The following GNG7 variants were observed in gnomAD, a reference collection of about 807,000 sequenced individuals.
GNG7 encodes guanine nucleotide-binding protein G(I)/G(S)/G(O) subunit gamma-7.
GNG7 carries 1 observed loss-of-function variant against 4.0 expected under a neutral mutation model. The ratio of observed to expected loss-of-function variants is 0.25; its 90% confidence interval spans 0.09 to 1.18. The LOEUF (loss-of-function observed/expected upper bound fraction) is 1.18, where lower values mean the gene tolerates loss of function less well. Among genes scored for constraint, GNG7 ranks in the 50% most tolerant of loss-of-function variants. The probability of loss-of-function intolerance (pLI) is 0.50; values close to 1 mark genes in which losing one functional copy is unlikely to be tolerated. For synonymous variants in GNG7, 34 were observed against 36.9 expected, an observed-to-expected ratio of 0.92 and a Z score of 0.29; for missense variants, 86 against 91.9, an observed-to-expected ratio of 0.94 and a Z score of 0.26.
intron 2 of GNG7, among the ~76,000 whole-genome samples, chr19:2,592,929 GGGAA>G (rs533301759): frequency 1.7e-3 from 254 of 146,308 alleles, no homozygotes; most frequent in African/African-American, 2.7e-3. Flanking sequence ...AGGAGAGGGA[GGGAA>G]GGAAGGAAGG....
intron 3 of GNG7, among the ~76,000 whole-genome samples, chr19:2,539,387 C>A (rs186607175): frequency 2.6e-5 from 4 of 151,024 alleles, no homozygotes; most frequent in African/African-American, 9.7e-5. Context: ...CTCACTGCAA[C>A]CTTTGCTTCC....
chr19:2,650,757 C>G (rs1385713414), intron 1 of GNG7, among the ~76,000 whole-genome samples: 1 of 152,216 alleles, frequency 6.6e-6, no homozygotes, highest in Non-Finnish European at 1.5e-5. Context: ...CGACCTTCAG[C>G]GGCTCACTCA....
In GNG7 at chr19:2,634,071, CTGAG is replaced by C. The variant is rs977896462; in HGVS notation, c.-78+12149_-78+12152del. Among the ~76,000 whole-genome samples the C allele has an allele frequency of 2.6e-5, 4 of 152,176 alleles. No homozygotes were observed. The highest frequency in any genetic ancestry group is 5.9e-5 in the Non-Finnish European group (4 of 68,032). On this transcript the variant is annotated intron_variant, in intron 2 of 4. Coordinates refer to ENST00000382159, the MANE Select transcript of GNG7 (RefSeq NM_052847.3). This position sits in a 1 kb window ranked among gnomAD's most constrained non-coding sequence, Gnocchi z 5.3. ...GGCTGCACACATTGAAATCCACACC[CTGAG>C]TGAGGAGGGAGAGAGGAGGTGAGTC...
chr19:2,588,085 C>A (rs971559096), intron 2 of GNG7, among the ~76,000 whole-genome samples: 1 of 152,102 alleles, frequency 6.6e-6, no homozygotes, highest in Non-Finnish European at 1.5e-5. Flanking sequence ...AGAAGAAAAA[C>A]CATCTCTCTA....
intron 2 of GNG7, among the ~76,000 whole-genome samples, chr19:2,580,179 A>G (rs893094924): frequency 6.6e-6 from 1 of 152,092 alleles, no homozygotes; most frequent in Non-Finnish European, 1.5e-5. Flanking sequence ...TACCAGTCCC[A>G]GTCCTGGCCC....
chr19:2,512,504 C>T lies in GNG7; in HGVS notation c.*2518G>A, dbSNP rs1972670239. 3.0e-6 allele frequency: 1 copy of T among 334,064 alleles called. No individual in the cohort carries two copies. The highest frequency in any genetic ancestry group is 4.3e-6 in the Non-Finnish European group (1 of 234,492). 20.7% of individuals were successfully genotyped at this position (334,064 alleles called of 1,614,324 possible). ...GGCCCTGTGGACAGTGAAGGAGAGG[C>T]CAGCCTGTCCTTCCCCTCCCCGAGC... On this transcript the variant is annotated 3_prime_UTR_variant, in exon 5 of 5. Transcript: ENST00000382159. This position sits in a 1 kb window ranked among gnomAD's most constrained non-coding sequence, Gnocchi z 4.7.
intron 1 of GNG7, among the ~76,000 whole-genome samples, chr19:2,667,438 C>A (rs1271976980): frequency 6.6e-6 from 1 of 152,172 alleles, no homozygotes; most frequent in African/African-American, 2.4e-5. Flanking sequence ...GAATACCTCA[C>A]CTCTATGTGC....
At chr19:2,655,100 G>A (rs1336948364) in intron 1 of GNG7, among the ~76,000 whole-genome samples, 1 of 151,706 alleles carries the variant, frequency 6.6e-6, no homozygotes, top group Non-Finnish European at 1.5e-5. Flanking sequence ...TGAGATGGGA[G>A]GATTGCTGAG....
chr19:2,684,566 G>C (rs796160974), intron 1 of GNG7, among the ~76,000 whole-genome samples: 21 of 152,322 alleles, frequency 1.4e-4, no homozygotes, highest in African/African-American at 5.1e-4. Context: ...AGGCAATCCT[G>C]ACACAGGCCA....
chr19:2,540,752 C>T (rs998158364), intron 3 of GNG7, among the ~76,000 whole-genome samples: 8 of 152,194 alleles, frequency 5.3e-5, no homozygotes, highest in South Asian at 2.1e-4. Flanking sequence ...GGAGACCTGC[C>T]GGAGCAAACC....
intron 1 of GNG7, among the ~76,000 whole-genome samples, chr19:2,650,227 A>C (rs1489294290): frequency 3.9e-5 from 5 of 126,774 alleles, no homozygotes; most frequent in East Asian, 2.1e-4. Flanking sequence ...TCTATCCCCC[A>C]GGCTGGAGTG....
rs138789416 is a variant in GNG7, at chr19:2,572,916, C to T, written c.-77-17728G>A. Among the ~76,000 whole-genome samples the T allele has an allele frequency of 3.0e-3, 450 of 151,864 alleles. 12 individuals are homozygous for T. The East Asian group carries it at 0.059, about 20-fold the overall frequency. ...TGGCTGAATTCCAGAACTGTTTCAT[C>T]GCCTTAAATGGAAACCCCGTCCGCA... On this transcript the variant is annotated intron_variant, in intron 2 of 4. Coordinates refer to ENST00000382159, the MANE Select transcript of GNG7 (RefSeq NM_052847.3).
chr19:2,542,114 T>TTTC (rs1349464499), intron 3 of GNG7, among the ~76,000 whole-genome samples: 7 of 125,036 alleles, frequency 5.6e-5, no homozygotes, highest in African/African-American at 2.0e-4. Context: ...GTTCTTTTTT[T>TTTC]TTTTTTTTTT....
intron 3 of GNG7, among the ~76,000 whole-genome samples, chr19:2,537,712 G>C (rs966488759): frequency 6.6e-6 from 1 of 151,810 alleles, no homozygotes; most frequent in African/African-American, 2.4e-5. Flanking sequence ...AACTGGCCCT[G>C]GAGTGGGGGT....
intron 1 of GNG7, among the ~76,000 whole-genome samples, chr19:2,683,170 C>T (rs979953676): frequency 6.6e-6 from 1 of 151,892 alleles, no homozygotes; most frequent in East Asian, 1.9e-4. Flanking sequence ...ACCCGGGAGG[C>T]AGAGGTTGCA....
chr19:2,633,485 GCGCACACACACACACA>G lies in GNG7; in HGVS notation c.-78+12723_-78+12738del, dbSNP rs1198954647. Among the ~76,000 whole-genome samples the G allele has an allele frequency of 1.6e-4, 21 of 131,984 alleles. No individual in the cohort carries two copies. The highest frequency in any genetic ancestry group is 3.9e-4 in the African/African-American group (13 of 33,598). The allele number at this position is 131,984 out of a possible 152,430, so 86.6% of individuals were successfully genotyped here. ...CTTAGCAACAGGCGCGCGCGCGCGCGCGCACACACACACACACACACACACACACACACACACACGA... is the reference window on the plus strand; with the variant it reads ...CTTAGCAACAGGCGCGCGCGCGCGCGCACACACACACACACACACACACGA... On this transcript the variant is annotated intron_variant, in intron 2 of 4. Transcript: ENST00000382159. This position sits in a 1 kb window ranked among gnomAD's most constrained non-coding sequence, Gnocchi z 5.9.
In GNG7 at chr19:2,687,324, T is replaced by C. The variant is rs548922226; in HGVS notation, c.-135+15322A>G. On this transcript the variant is annotated intron_variant, in intron 1 of 4. Transcript: ENST00000382159. ...ATCCTCTCATCTTGGCCTCCCAAAGTGCTGGGGTTAGGCTGGGCATGGTGG... is the reference window on the plus strand; with the variant it reads ...ATCCTCTCATCTTGGCCTCCCAAAGCGCTGGGGTTAGGCTGGGCATGGTGG... Among the ~76,000 whole-genome samples, 3 of 151,504 alleles carry C rather than the reference T, an allele frequency of 2.0e-5. No homozygotes were observed. The East Asian group carries it at 6.0e-4, about 30-fold the overall frequency.
At chr19:2,643,629 C>T (rs952044782) in intron 2 of GNG7, 28 of 455,556 alleles carry the variant, frequency 6.1e-5, no homozygotes, top group African/African-American at 5.0e-4. Context: ...AGTCCGAGAC[C>T]TCTCCGGGCT....
intron 1 of GNG7, among the ~76,000 whole-genome samples, chr19:2,678,629 G>A (rs1983653372): frequency 6.6e-6 from 1 of 152,118 alleles, no homozygotes; most frequent in East Asian, 1.9e-4. Context: ...ACAACACAGG[G>A]AGAAGAATCA....
Sources: gnomAD v4.1 joint callset for allele counts (sites outside exome capture counted in the v4.1 genomes callset) on GRCh38, gnomAD v4.1.1 for gene constraint, Gnocchi (gnomAD v3.1) non-coding constraint, MANE v1.5 for transcripts, NCBI Gene and HGNC (gene_info 2026-07-23, HGNC 2026-07-21) for gene names.